Variants in NCKAP5 observed in about 807,000 individuals in gnomAD.
NCKAP5 encodes the protein nck-associated protein 5.
A neutral mutation model predicts 167.0 loss-of-function variants in NCKAP5; 92 were observed. The ratio of observed to expected loss-of-function variants is 0.55; its 90% confidence interval spans 0.47 to 0.66. The LOEUF (loss-of-function observed/expected upper bound fraction) is 0.66. NCKAP5 is among the 30% of genes least tolerant of loss of function. The pLI, the probability that NCKAP5 is intolerant of heterozygous loss-of-function variation, is 0.00. For missense variants in NCKAP5, 2,378 were observed against 2,315.0 expected, an observed-to-expected ratio of 1.03 and a Z score of -0.56; for synonymous variants, 891 against 877.4, an observed-to-expected ratio of 1.02 and a Z score of -0.27.
intron 2 of NCKAP5, among the ~76,000 whole-genome samples, chr2:133,547,413 C>T (rs1686823949): frequency 6.6e-6 from 1 of 152,106 alleles, no homozygotes; most frequent in South Asian, 2.1e-4. Flanking sequence ...GTAGGCTCCA[C>T]CTCTGGGGGC....
chr2:133,240,778 G>A (rs1180189174), intron 4 of NCKAP5, among the ~76,000 whole-genome samples: 1 of 152,146 alleles, frequency 6.6e-6, no homozygotes, highest in African/African-American at 2.4e-5. Flanking sequence ...AGAACACTAG[G>A]TGAATGCTTT....
At chr2:133,017,245 C>T (rs1429041116) in intron 6 of NCKAP5, among the ~76,000 whole-genome samples, 2 of 152,180 alleles carry the variant, frequency 1.3e-5, no homozygotes, top group African/African-American at 4.8e-5. Context: ...CAACTATTTG[C>T]CATTAAATTA....
At chr2:133,152,639 C>T (rs1389183585) in intron 5 of NCKAP5, among the ~76,000 whole-genome samples, 1 of 152,088 alleles carries the variant, frequency 6.6e-6, no homozygotes, top group Non-Finnish European at 1.5e-5. Flanking sequence ...CATGACAAGA[C>T]ATGAAGGAAC....
chr2:132,751,272 C>T (rs1461723282), intron 16 of NCKAP5, among the ~76,000 whole-genome samples: 1 of 152,052 alleles, frequency 6.6e-6, no homozygotes, highest in African/African-American at 2.4e-5. Flanking sequence ...GCACCTCTTC[C>T]TCTCTTCTTT....
chr2:133,051,919 G>A (rs1170661794), intron 6 of NCKAP5, among the ~76,000 whole-genome samples: 3 of 152,128 alleles, frequency 2.0e-5, no homozygotes, highest in Non-Finnish European at 4.4e-5. Context: ...GAGGTCTAGA[G>A]AGATTAAATG....
At chr2:133,289,444 T>TA (rs1447591103) in intron 4 of NCKAP5, among the ~76,000 whole-genome samples, 1 of 151,790 alleles carries the variant, frequency 6.6e-6, no homozygotes, top group African/African-American at 2.4e-5. Flanking sequence ...CATATTGCCA[T>TA]AAAAAAACTA....
chr2:133,410,422 G>A (rs926342079), intron 3 of NCKAP5, among the ~76,000 whole-genome samples: 1 of 152,192 alleles, frequency 6.6e-6, no homozygotes. Flanking sequence ...TCACTTCTCT[G>A]AGGTTTAGTT....
chr2:133,145,301 G>T (rs1366191118), intron 5 of NCKAP5, among the ~76,000 whole-genome samples: 4 of 151,886 alleles, frequency 2.6e-5, no homozygotes, highest in Non-Finnish European at 5.9e-5. Context: ...GAGAACACAT[G>T]GACACAGGAA....
intron 3 of NCKAP5, among the ~76,000 whole-genome samples, chr2:133,502,588 A>T (rs1392409141): frequency 6.6e-6 from 1 of 152,154 alleles, no homozygotes; most frequent in African/African-American, 2.4e-5. Context: ...ATATGTCTAC[A>T]TCATATCCTT....
chr2:133,402,859 T>C (rs1269520730), intron 3 of NCKAP5, among the ~76,000 whole-genome samples: 1 of 152,192 alleles, frequency 6.6e-6, no homozygotes, highest in African/African-American at 2.4e-5. Flanking sequence ...ATACCCAGCT[T>C]CAGGTATTCT....
At chr2:133,215,970 A>T (rs1201074625) in intron 4 of NCKAP5, among the ~76,000 whole-genome samples, 4 of 152,150 alleles carry the variant, frequency 2.6e-5, no homozygotes, top group Non-Finnish European at 5.9e-5. Flanking sequence ...TTTACTAGCA[A>T]CAAACAATTG....
chr2:132,965,904 T>TTGTGTGTGTGTG (rs60589235), intron 7 of NCKAP5, among the ~76,000 whole-genome samples: 4,174 of 140,870 alleles, frequency 0.03, 220 homozygotes, highest in African/African-American at 0.1. Flanking sequence ...ACATGACTCT[T>TTGTGTGTGTGTG]TGTGTGTGTG....
At chr2:132,932,754 A>G (rs1696490902) in intron 8 of NCKAP5, among the ~76,000 whole-genome samples, 1 of 152,168 alleles carries the variant, frequency 6.6e-6, no homozygotes, top group Non-Finnish European at 1.5e-5. Flanking sequence ...ACACATAGAA[A>G]AAAACAAGGT....
At chr2:132,742,029 C>T (rs1314630795) in intron 16 of NCKAP5, among the ~76,000 whole-genome samples, 2 of 152,034 alleles carry the variant, frequency 1.3e-5, no homozygotes, top group Non-Finnish European at 2.9e-5. Flanking sequence ...CATGATTTTC[C>T]CTTACAGAAG....
At chr2:133,246,739 A>G (rs1466704666) in intron 4 of NCKAP5, among the ~76,000 whole-genome samples, 6 of 152,248 alleles carry the variant, frequency 3.9e-5, no homozygotes, top group Non-Finnish European at 7.3e-5. Context: ...GAAAGTCTGA[A>G]CAATATTCTT....
chr2:132,962,042 C>T (rs6430381), intron 8 of NCKAP5, among the ~76,000 whole-genome samples: 29 of 152,150 alleles, frequency 1.9e-4, no homozygotes, highest in African/African-American at 6.7e-4. Context: ...AGCTCTTTGC[C>T]CAGAGGGAGT....
At chr2:133,141,425 C>G (rs988313326) in intron 5 of NCKAP5, among the ~76,000 whole-genome samples, 1 of 150,502 alleles carries the variant, frequency 6.6e-6, no homozygotes, top group Admixed American at 6.6e-5. Context: ...AAAAAAAACA[C>G]AACTCTATTC....
chr2:132,911,376 A>T (rs550269228), intron 8 of NCKAP5: 2 of 152,412 alleles, frequency 1.3e-5, no homozygotes, highest in African/African-American at 4.8e-5. Context: ...CAATTCACTT[A>T]AAAAATGTAA....
intron 11 of NCKAP5, among the ~76,000 whole-genome samples, chr2:132,856,603 AAGAATACG>A (rs1300833304): frequency 6.6e-6 from 1 of 152,334 alleles, no homozygotes; most frequent in East Asian, 1.9e-4. Flanking sequence ...GTCTTAATCT[AAGAATACG>A]AGAATAATGT....
Sources: allele counts gnomAD v4.1 joint callset (sites outside exome capture counted in the v4.1 genomes callset), GRCh38; gene constraint gnomAD v4.1.1; transcripts MANE v1.5; gene names NCBI Gene and HGNC (gene_info 2026-07-23, HGNC 2026-07-21).